Variants in PDE4D observed in about 807,000 individuals in gnomAD.
PDE4D encodes 3',5'-cyclic-AMP phosphodiesterase 4D.
Under a neutral mutation model 87.4 loss-of-function variants are expected in PDE4D, and 24 were observed. The ratio of observed to expected loss-of-function variants is 0.27; its 90% CI spans 0.20 to 0.39. The LOEUF is 0.39. Ranked by LOEUF, PDE4D falls within the 10% of genes least tolerant of loss-of-function variation. PDE4D has a pLI of 1.00. For synonymous variants in PDE4D, 384 were observed against 383.2 expected (o/e 1.00, Z -0.02); for missense variants, 714 against 1,041.0 (o/e 0.69, Z 4.32).
intron 1 of PDE4D, among the ~76,000 whole-genome samples, chr5:59,622,112 T>C (rs998291551): frequency 3.3e-5 from 5 of 152,148 alleles, no homozygotes; most frequent in African/African-American, 1.2e-4. Context: ...GGACCCCAAG[T>C]TCAAAATCAG....
rs958080632 is a variant in PDE4D at position 60,344,365 on chromosome 5, A to AT, written c.-90+143576dup. Among the ~76,000 whole-genome samples the AT allele has an allele frequency of 6.4e-4, 96 of 149,802 alleles. No homozygotes were observed. In the East Asian group the frequency reaches 0.011, roughly 17 times the overall value. ...CTCTATTCGTTAGTTTTGGTTCTTG[A>AT]TTTTTTTTTTCTGGGCACCTTAAAT... On this transcript the variant is annotated intron_variant, in intron 1 of 16. Coordinates refer to the PDE4D transcript ENST00000502484.
intron 1 of PDE4D, among the ~76,000 whole-genome samples, chr5:59,840,716 T>C (rs562771659): frequency 4.0e-4 from 61 of 152,160 alleles, no homozygotes; most frequent in Non-Finnish European, 7.7e-4. Context: ...GGGCACGTAC[T>C]GTTCAGCCCT....
intron 1 of PDE4D, among the ~76,000 whole-genome samples, chr5:60,312,108 C>T (rs994703068): frequency 6.6e-6 from 1 of 152,164 alleles, no homozygotes; most frequent in South Asian, 2.1e-4. Flanking sequence ...GAGACTTCAA[C>T]ACCCTATTCA....
intron 2 of PDE4D, 122 bp downstream of exon 2, chr5:59,215,655 A>G (rs1381091291): frequency 2.0e-5 from 16 of 799,106 alleles, no homozygotes; most frequent in African/African-American, 1.0e-4. Flanking sequence ...AATTTTATTC[A>G]TATTCTTTCT....
chr5:59,948,274 G>T (rs1757919703), intron 3 of PDE4D, among the ~76,000 whole-genome samples: 1 of 152,152 alleles, frequency 6.6e-6, no homozygotes, highest in South Asian at 2.1e-4. Context: ...CCTGGGTTAT[G>T]CCTGAATTTA....
chr5:59,131,345 A>G (rs182230611), intron 5 of PDE4D, among the ~76,000 whole-genome samples: 4 of 152,294 alleles, frequency 2.6e-5, no homozygotes, highest in Admixed American at 2.6e-4. Flanking sequence ...GTACACAAGT[A>G]CCAGGTACTT....
intron 1 of PDE4D, among the ~76,000 whole-genome samples, chr5:60,244,654 C>G (rs970544097): frequency 6.6e-6 from 1 of 151,908 alleles, no homozygotes; most frequent in Non-Finnish European, 1.5e-5. Context: ...CGTACATCTA[C>G]AGGGAACTCA....
At chr5:59,471,244 CAAAAAG>C (rs563289102) in intron 1 of PDE4D, among the ~76,000 whole-genome samples, 1 of 151,782 alleles carries the variant, frequency 6.6e-6, no homozygotes, top group African/African-American at 2.4e-5. Flanking sequence ...GGCCCTGTCT[CAAAAAG>C]AAAAAGAAAA....
At chr5:59,881,054 A>T (rs926779208) in intron 1 of PDE4D, among the ~76,000 whole-genome samples, 1 of 152,190 alleles carries the variant, frequency 6.6e-6, no homozygotes, top group Admixed American at 6.5e-5. Flanking sequence ...TGCCAGGATG[A>T]TGATACATAC....
At chr5:59,162,869 T>TAAAAAA (rs1781337559) in intron 5 of PDE4D, among the ~76,000 whole-genome samples, 1 of 86,396 alleles carries the variant, frequency 1.2e-5, no homozygotes, top group African/African-American at 4.2e-5. Flanking sequence ...AAAAAAAAAT[T>TAAAAAA]GTAATTAAAT....
At chr5:60,521,950 A>C (rs1348392280) in intron 1 of PDE4D, 2 of 147,580 alleles carry the variant, frequency 1.4e-5, no homozygotes, top group African/African-American at 2.7e-5. Context: ...AAAAAAAAAA[A>C]ATGCTTCCCT....
At chr5:59,596,142 T>C (rs1561289470) in intron 1 of PDE4D, among the ~76,000 whole-genome samples, 1 of 151,628 alleles carries the variant, frequency 6.6e-6, no homozygotes, top group Non-Finnish European at 1.5e-5. Flanking sequence ...CCCATGCACA[T>C]ATATAATTAC....
At chr5:59,493,637 G>A (rs1481906141) in intron 1 of PDE4D, among the ~76,000 whole-genome samples, 2 of 152,184 alleles carry the variant, frequency 1.3e-5, no homozygotes, top group African/African-American at 4.8e-5. Context: ...CAGCAACTCA[G>A]TTTTAGAGAC....
chr5:59,015,079 G>A (rs1013846788), intron 6 of PDE4D, among the ~76,000 whole-genome samples: 1 of 152,164 alleles, frequency 6.6e-6, no homozygotes, highest in Non-Finnish European at 1.5e-5. Flanking sequence ...TATGTAGAAA[G>A]CTGAAACTGG....
intron 1 of PDE4D, among the ~76,000 whole-genome samples, chr5:60,247,541 A>C (rs1181727338): frequency 4.5e-5 from 3 of 66,906 alleles, no homozygotes; most frequent in African/African-American, 2.4e-4. Flanking sequence ...CCAGTTTCAG[A>C]AAACCACATG....
chr5:59,768,410 G>C, intron 1 of PDE4D: 2 of 1,598,356 alleles, frequency 1.3e-6, no homozygotes, highest in Non-Finnish European at 1.7e-6. Context: ...AGGTTTTCTC[G>C]CAAGGATTTC....
intron 1 of PDE4D, among the ~76,000 whole-genome samples, chr5:60,200,345 T>C (rs1774063085): frequency 6.6e-6 from 1 of 151,574 alleles, no homozygotes; most frequent in Non-Finnish European, 1.5e-5. Flanking sequence ...TTTTATGTTT[T>C]AGGGAAGACA....
chr5:60,054,332 C>G (rs1000664586), intron 2 of PDE4D, among the ~76,000 whole-genome samples: 1 of 152,170 alleles, frequency 6.6e-6, no homozygotes. Context: ...GGCATACATA[C>G]CATGGAATAC....
chr5:59,576,590 G>A (rs1228291197), intron 1 of PDE4D, among the ~76,000 whole-genome samples: 2 of 152,078 alleles, frequency 1.3e-5, no homozygotes, highest in Non-Finnish European at 2.9e-5. Context: ...GCTGGGTATT[G>A]TGGTATAAAG....
Sources: allele counts gnomAD v4.1 joint callset (sites outside exome capture counted in the v4.1 genomes callset), GRCh38; gene constraint gnomAD v4.1.1; transcripts MANE v1.5; gene names NCBI Gene and HGNC (gene_info 2026-07-23, HGNC 2026-07-21).